Variants in MARCHF1 observed in about 807,000 individuals in gnomAD.
The protein encoded by MARCHF1 is membrane associated ring-CH-type finger 1, also known as E3 ubiquitin-protein ligase MARCHF1.
Under a neutral mutation model 54.2 loss-of-function variants are expected in MARCHF1, and 40 were observed. The ratio of observed to expected loss-of-function variants is 0.74; its 90% CI spans 0.57 to 0.96. The LOEUF is 0.96. Among genes scored for constraint, MARCHF1 ranks in the 40% least tolerant of loss-of-function variants. MARCHF1 has a pLI of 0.00. For missense variants in MARCHF1, 586 were observed against 656.5 expected, an observed-to-expected ratio of 0.89 and a Z score of 1.17; for synonymous variants, 236 against 236.3, an observed-to-expected ratio of 1.00 and a Z score of 0.01.
At chr4:164,349,282 G>A (rs866229739) in intron 1 of MARCHF1, among the ~76,000 whole-genome samples, 2 of 151,462 alleles carry the variant, frequency 1.3e-5, no homozygotes, top group South Asian at 2.1e-4. Context: ...CTCCAAGAAT[G>A]TTTTCTGCTC....
At chr4:163,912,023 T>C (rs1441543042) in intron 3 of MARCHF1, among the ~76,000 whole-genome samples, 1 of 151,878 alleles carries the variant, frequency 6.6e-6, no homozygotes, top group Non-Finnish European at 1.5e-5. Flanking sequence ...ATCGTTAGTC[T>C]AGGCTGGTAG....
intron 1 of MARCHF1, among the ~76,000 whole-genome samples, chr4:164,301,518 T>C (rs958579311): frequency 6.6e-5 from 10 of 152,190 alleles, no homozygotes; most frequent in African/African-American, 2.4e-4. Context: ...TTCACTATGG[T>C]GCTCAGGAGA....
chr4:164,345,842 C>A (rs753467018), intron 1 of MARCHF1, among the ~76,000 whole-genome samples: 5 of 151,828 alleles, frequency 3.3e-5, no homozygotes, highest in Non-Finnish European at 7.4e-5. Flanking sequence ...CTTAAGCACT[C>A]CTGAATTCCA....
chr4:163,663,015 C>A (rs1415412550), intron 5 of MARCHF1, among the ~76,000 whole-genome samples: 1 of 151,878 alleles, frequency 6.6e-6, no homozygotes, highest in Non-Finnish European at 1.5e-5. Context: ...AGGGGATTCC[C>A]AGGTCATGCA....
intron 1 of MARCHF1, among the ~76,000 whole-genome samples, chr4:164,234,371 C>T (rs901019193): frequency 2.6e-5 from 4 of 152,048 alleles, no homozygotes; most frequent in Non-Finnish European, 5.9e-5. Context: ...TACTTATCTA[C>T]GATTTATTTT....
intron 8 of MARCHF1, among the ~76,000 whole-genome samples, chr4:163,555,417 C>A (rs939836256): frequency 3.9e-5 from 6 of 151,934 alleles, no homozygotes; most frequent in African/African-American, 1.4e-4. Context: ...CATATCCCCC[C>A]AAAAAACTCA....
intron 1 of MARCHF1, among the ~76,000 whole-genome samples, chr4:164,122,523 T>C (rs976408009): frequency 6.6e-6 from 1 of 152,054 alleles, no homozygotes; most frequent in East Asian, 1.9e-4. Flanking sequence ...CCTTCCCGCA[T>C]GCTATGTAAA....
At chr4:164,004,411 G>A (rs924500716) in intron 2 of MARCHF1, among the ~76,000 whole-genome samples, 2 of 151,858 alleles carry the variant, frequency 1.3e-5, no homozygotes, top group African/African-American at 4.8e-5. Flanking sequence ...ACCAAAAGTA[G>A]AAGTAAACTA....
chr4:163,839,743 T>A (rs1279063911), intron 4 of MARCHF1, among the ~76,000 whole-genome samples: 2 of 152,148 alleles, frequency 1.3e-5, no homozygotes, highest in Non-Finnish European at 2.9e-5. Context: ...TAACTGCTAA[T>A]GCATACAAGT....
intron 7 of MARCHF1, among the ~76,000 whole-genome samples, chr4:163,591,085 G>T (rs1740577289): frequency 6.6e-6 from 1 of 151,154 alleles, no homozygotes; most frequent in Non-Finnish European, 1.5e-5. Flanking sequence ...ATTAATTATT[G>T]TCACTTAATT....
chr4:163,609,825 T>C (rs1388660049), intron 7 of MARCHF1, among the ~76,000 whole-genome samples: 1 of 151,946 alleles, frequency 6.6e-6, no homozygotes, highest in Non-Finnish European at 1.5e-5. Context: ...GCCTCAACTT[T>C]AGAGGCAGCC....
At chr4:164,268,217 A>C (rs2111299798) in intron 1 of MARCHF1, among the ~76,000 whole-genome samples, 1 of 152,296 alleles carries the variant, frequency 6.6e-6, no homozygotes, top group Non-Finnish European at 1.5e-5. Context: ...TAAGGAATCA[A>C]AACTATGAGT....
chr4:163,917,078 T>C (rs1347536333), intron 3 of MARCHF1, among the ~76,000 whole-genome samples: 1 of 152,170 alleles, frequency 6.6e-6, no homozygotes, highest in Non-Finnish European at 1.5e-5. Context: ...TCCAGAATGT[T>C]CTATGTGTGG....
intron 4 of MARCHF1, among the ~76,000 whole-genome samples, chr4:163,810,601 A>AT (rs1283797202): frequency 3.9e-5 from 6 of 152,122 alleles, no homozygotes; most frequent in South Asian, 2.1e-4. Context: ...GATGTGACAA[A>AT]TTTTTTTAAG....
intron 1 of MARCHF1, among the ~76,000 whole-genome samples, chr4:164,265,338 T>C (rs1214465628): frequency 1.3e-5 from 2 of 152,156 alleles, no homozygotes; most frequent in Non-Finnish European, 2.9e-5. Flanking sequence ...ATAATTTCAA[T>C]AAATTTATAA....
intron 1 of MARCHF1, among the ~76,000 whole-genome samples, chr4:164,312,483 C>T (rs1359982864): frequency 1.3e-5 from 2 of 151,698 alleles, no homozygotes; most frequent in South Asian, 2.1e-4. Flanking sequence ...CCACTACGCC[C>T]AGCTAATTTT....
chr4:163,772,836 T>G (rs989678559), intron 4 of MARCHF1, among the ~76,000 whole-genome samples: 1 of 152,144 alleles, frequency 6.6e-6, no homozygotes, highest in African/African-American at 2.4e-5. Flanking sequence ...CAGGAAATCT[T>G]GGAGAGCATC....
intron 5 of MARCHF1, 188 bp from the exon 6 acceptor site, chr4:163,613,581 T>C (rs905674608): frequency 2.0e-6 from 3 of 1,493,992 alleles, no homozygotes; most frequent in Non-Finnish European, 2.7e-6. Flanking sequence ...TTGAGGAACC[T>C]GGAACAGCTG....
At chr4:164,040,829 GA>G (rs566594483) in intron 2 of MARCHF1, among the ~76,000 whole-genome samples, 94 of 151,992 alleles carry the variant, frequency 6.2e-4, no homozygotes, top group African/African-American at 2.2e-3. Flanking sequence ...ATCAAATTTG[GA>G]AAATAAGGTT....
Sources: allele counts gnomAD v4.1 joint callset (sites outside exome capture counted in the v4.1 genomes callset), GRCh38; gene constraint gnomAD v4.1.1; transcripts MANE v1.5; gene names NCBI Gene and HGNC (gene_info 2026-07-23, HGNC 2026-07-21).